NRXN3: variants seen among roughly 807,000 people sequenced by gnomAD.
The protein encoded by NRXN3 is neurexin 3, also known as neurexin III.
In NRXN3, 32 loss-of-function variants were observed where a neutral mutation model predicts 137.6. The ratio of observed to expected loss-of-function variants is 0.23; its 90% CI spans 0.18 to 0.31. The LOEUF is 0.31. Among genes scored for constraint, NRXN3 ranks in the 10% least tolerant of loss-of-function variants. The pLI is 1.00. For missense variants in NRXN3, 1,574 were observed against 2,062.5 expected (o/e 0.76, Z 4.59); for synonymous variants, 798 against 784.5 (o/e 1.02, Z -0.29).
chr14:79,411,933 G>A (rs2095422704), intron 15 of NRXN3, among the ~76,000 whole-genome samples: 1 of 152,102 alleles, frequency 6.6e-6, no homozygotes, highest in South Asian at 2.1e-4. Flanking sequence ...AATACACAGG[G>A]TATGTACAAG....
chr14:79,862,157 T>A lies in NRXN3; in HGVS notation c.*193T>A. On this transcript the variant is annotated 3_prime_UTR_variant, in exon 21 of 21. Transcript: ENST00000335750. ...ACAGCGATGCATCTCTCTCTAAAGC[T>A]CAGCCACGGCTGCGGCAAGGTCCCA... The A allele has an allele frequency of 1.8e-6, 1 of 565,962 alleles. No individual in the cohort carries two copies. The highest frequency in any genetic ancestry group is 3.0e-5 in the East Asian group (1 of 33,258). The allele number at this position is 565,962 out of a possible 1,614,324, so 35.1% of individuals were successfully genotyped here. A position where few individuals can be genotyped will look rare whatever the true frequency, so the allele number is the denominator to read the frequency against.
chr14:78,753,119 T>C (rs7149051), intron 8 of NRXN3, among the ~76,000 whole-genome samples: 58,682 of 152,022 alleles, frequency 0.39, 16,900 homozygotes, highest in African/African-American at 0.82. Flanking sequence ...GCCACTCAGG[T>C]GAAACAGGAG....
At chr14:78,289,352 AC>A (rs1175392836) in intron 3 of NRXN3, among the ~76,000 whole-genome samples, 1 of 152,068 alleles carries the variant, frequency 6.6e-6, no homozygotes, top group Non-Finnish European at 1.5e-5. Flanking sequence ...CATTTAAACC[AC>A]CATTTTTATA....
intron 16 of NRXN3, among the ~76,000 whole-genome samples, chr14:79,533,381 C>A (rs893072985): frequency 2.0e-5 from 3 of 152,120 alleles, no homozygotes; most frequent in African/African-American, 7.2e-5. Flanking sequence ...AAAGTGTCAT[C>A]TTCTACCCCA....
At chr14:78,443,923 TTG>T (rs1436193284) in intron 4 of NRXN3, among the ~76,000 whole-genome samples, 17 of 152,340 alleles carry the variant, frequency 1.1e-4, no homozygotes, top group Non-Finnish European at 4.4e-5. Flanking sequence ...GCAAAAGTAA[TTG>T]TGTTTTTTTG....
In NRXN3 at chr14:78,374,726, C is replaced by T. The variant is rs1286592342; in HGVS notation, c.757+76866C>T. Among the ~76,000 whole-genome samples, 15 of 143,076 alleles carry T rather than the reference C, an allele frequency of 1.0e-4. No homozygotes were observed. The South Asian group carries it at 1.5e-3, about 15-fold the overall frequency. 93.9% of individuals were successfully genotyped at this position (143,076 alleles called of 152,430 possible). A position where few individuals can be genotyped will look rare whatever the true frequency, so the allele number is the denominator to read the frequency against. On this transcript the variant is annotated intron_variant, in intron 4 of 20. Transcript: ENST00000335750. The stretch of plus-strand genomic sequence containing the variant: ...CGGAGGTAGCAGTGAGCTGAGATTG[C>T]GCCACTGTACTGCAGCCTGGGGACA...
intron 1 of NRXN3, among the ~76,000 whole-genome samples, chr14:78,220,053 A>T (rs1375518127): frequency 6.6e-6 from 1 of 151,960 alleles, no homozygotes; most frequent in Non-Finnish European, 1.5e-5. Flanking sequence ...GAGAGAGGAG[A>T]TGAAGAGCGT....
intron 4 of NRXN3, among the ~76,000 whole-genome samples, chr14:78,631,983 G>A (rs1417556475): frequency 6.6e-6 from 1 of 151,846 alleles, no homozygotes; most frequent in Non-Finnish European, 1.5e-5. Flanking sequence ...GCGTGGTGGC[G>A]GCTGCCTGTA....
intron 11 of NRXN3, among the ~76,000 whole-genome samples, chr14:78,960,355 C>G (rs2099405698): frequency 6.6e-6 from 1 of 151,984 alleles, no homozygotes. Context: ...ACTAAAATAC[C>G]CACAGTCCTC....
intron 15 of NRXN3, among the ~76,000 whole-genome samples, chr14:79,406,327 C>T (rs2095311522): frequency 6.7e-6 from 1 of 149,440 alleles, no homozygotes; most frequent in Admixed American, 6.7e-5. Context: ...TTTCTTGAGA[C>T]AGGGTCTTGC....
At chr14:79,108,326 G>A (rs552130780) in intron 15 of NRXN3, among the ~76,000 whole-genome samples, 121 of 152,174 alleles carry the variant, frequency 8.0e-4, no homozygotes, top group African/African-American at 2.9e-3. Flanking sequence ...CATCTGTTAT[G>A]CCTTCATCAT....
intron 4 of NRXN3, among the ~76,000 whole-genome samples, chr14:78,440,964 A>T (rs1232344367): frequency 6.6e-6 from 1 of 152,098 alleles, no homozygotes; most frequent in African/African-American, 2.4e-5. Flanking sequence ...GGCACAGGGA[A>T]TGGGCTGGGG....
intron 17 of NRXN3, among the ~76,000 whole-genome samples, chr14:79,666,110 A>G (rs1033757507): frequency 1.3e-5 from 2 of 152,144 alleles, no homozygotes; most frequent in Non-Finnish European, 2.9e-5. Context: ...ACACTGAACC[A>G]TAAAATAAGT....
At chr14:78,172,965 A>C (rs1179776463) in intron 1 of NRXN3, among the ~76,000 whole-genome samples, 3 of 151,966 alleles carry the variant, frequency 2.0e-5, no homozygotes, top group African/African-American at 4.8e-5. Flanking sequence ...TCTCCTGACT[A>C]TGTTGATGAT....
intron 15 of NRXN3, among the ~76,000 whole-genome samples, chr14:79,376,366 T>C (rs1223661033): frequency 6.6e-6 from 1 of 151,118 alleles, no homozygotes; most frequent in Non-Finnish European, 1.5e-5. Flanking sequence ...TATCAAACAA[T>C]TGAATGTTTT....
intron 1 of NRXN3, among the ~76,000 whole-genome samples, chr14:78,237,791 G>T (rs1450879797): frequency 6.6e-6 from 1 of 152,172 alleles, no homozygotes; most frequent in Non-Finnish European, 1.5e-5. Context: ...GGGGTGAGGG[G>T]AGCAGTGAAC....
At chr14:79,256,861 G>T (rs1335586168) in intron 15 of NRXN3, among the ~76,000 whole-genome samples, 3 of 152,194 alleles carry the variant, frequency 2.0e-5, no homozygotes, top group East Asian at 1.9e-4. Context: ...TAAAGTGTGT[G>T]TGTGTGTATG....
chr14:79,667,879 G>A (rs1263918749), intron 17 of NRXN3, among the ~76,000 whole-genome samples: 1 of 152,050 alleles, frequency 6.6e-6, no homozygotes, highest in Admixed American at 6.6e-5. Context: ...AGCTGACTGG[G>A]TTTGTTCCAT....
At chr14:78,283,473 C>CTATTCCTT (rs57481726) in intron 3 of NRXN3, 52 of 151,900 alleles carry the variant, frequency 3.4e-4, no homozygotes, top group African/African-American at 1.0e-3. Context: ...ATAGCCACAC[C>CTATTCCTT]TATTCCTTTA....
Sources: gnomAD v4.1 joint callset for allele counts (sites outside exome capture counted in the v4.1 genomes callset) on GRCh38, gnomAD v4.1.1 for gene constraint, MANE v1.5 for transcripts, NCBI Gene and HGNC (gene_info 2026-07-23, HGNC 2026-07-21) for gene names.